Variants in POLE2 observed in about 807,000 individuals in gnomAD.
The protein encoded by POLE2 is DNA polymerase epsilon 2, accessory subunit.
Under a neutral mutation model 79.4 loss-of-function variants are expected in POLE2, and 56 were observed. The ratio of observed to expected loss-of-function variants is 0.71; its 90% confidence interval spans 0.57 to 0.88. The LOEUF (loss-of-function observed/expected upper bound fraction) is 0.88. Ranked by LOEUF, POLE2 falls within the 40% of genes least tolerant of loss-of-function variation. The probability of loss-of-function intolerance (pLI) is 0.00; values close to 1 mark genes in which losing one functional copy is unlikely to be tolerated. For missense variants in POLE2, 598 were observed against 638.9 expected, an observed-to-expected ratio of 0.94 and a Z score of 0.69; for synonymous variants, 212 against 214.0, an observed-to-expected ratio of 0.99 and a Z score of 0.08.
At position 49,670,317 on chromosome 14, in the gene POLE2, C is replaced by CAAAAAAAAA. The variant is rs61383006; in HGVS notation, c.418-728_418-720dup. Among the ~76,000 whole-genome samples, 36 of 59,106 alleles carry CAAAAAAAAA rather than the reference C, an allele frequency of 6.1e-4. 3 individuals are homozygous for CAAAAAAAAA. Among genetic ancestry groups the CAAAAAAAAA allele is most frequent in the African/African-American group, 2.2e-3 (33 of 15,062 alleles). 38.8% of individuals were successfully genotyped at this position (59,106 alleles called of 152,430 possible). The stretch of plus-strand genomic sequence containing the variant: ...GGCAACAAGAGCGAAACTGTGTCTC[C>CAAAAAAAAA]AAAAAAAAAAAAAAAAAAAAAAAAA... On this transcript the variant is annotated intron_variant, in intron 5 of 18. Transcript: ENST00000216367.
At chr14:49,674,596 C>T (rs1359384858) in intron 3 of POLE2, among the ~76,000 whole-genome samples, 169 bp from the exon 4 acceptor site, 1 of 152,074 alleles carries the variant, frequency 6.6e-6, no homozygotes, top group Non-Finnish European at 1.5e-5. Flanking sequence ...GACAGAGTTT[C>T]GCTATTGTTC....
At chr14:49,669,754 T>C (rs1885739447) in intron 5 of POLE2, among the ~76,000 whole-genome samples, 156 bp from the exon 6 acceptor site, 1 of 152,094 alleles carries the variant, frequency 6.6e-6, no homozygotes. Flanking sequence ...CATACAAATA[T>C]CTAGTAATGT....
chr14:49,679,708 T>A lies in POLE2; in HGVS notation c.245+17A>T. 6.9e-7 allele frequency: 1 copy of A among 1,446,630 alleles called. No homozygotes were observed. 89.6% of individuals were successfully genotyped at this position (1,446,630 alleles called of 1,614,324 possible). On this transcript the variant is annotated intron_variant, in intron 3 of 18. Coordinates refer to ENST00000216367, the MANE Select transcript of POLE2 (RefSeq NM_002692.4). The stretch of plus-strand genomic sequence containing the variant: ...TAACACCTCCAAGGAGGAAAAAAGT[T>A]AACTGTACCCACATACATAGTTTCA...
intron 10 of POLE2, among the ~76,000 whole-genome samples, chr14:49,659,746 A>G (rs939287615): frequency 6.6e-6 from 1 of 151,852 alleles, no homozygotes; most frequent in Admixed American, 6.6e-5. Context: ...ACACCCAGCT[A>G]ATTTTGTTGT....
chr14:49,669,893 G>C (rs954515591), intron 5 of POLE2, among the ~76,000 whole-genome samples: 8 of 152,178 alleles, frequency 5.3e-5, no homozygotes, highest in Non-Finnish European at 1.2e-4. Context: ...TGGGGCTAGT[G>C]AAAGAGAAGT....
chr14:49,681,307 T>G, intron 2 of POLE2: 1 of 216,622 alleles, frequency 4.6e-6, no homozygotes, highest in South Asian at 8.5e-5. Flanking sequence ...GATACAGTTT[T>G]ACTGACAGGT....
intron 10 of POLE2, among the ~76,000 whole-genome samples, chr14:49,657,732 G>A (rs1311870780): frequency 1.3e-5 from 2 of 152,078 alleles, no homozygotes; most frequent in East Asian, 1.9e-4. Context: ...GAGCCACCAC[G>A]CCCAGCCAGT....
intron 1 of POLE2, among the ~76,000 whole-genome samples, chr14:49,687,934 G>T (rs982623275): frequency 6.6e-6 from 1 of 152,064 alleles, no homozygotes; most frequent in South Asian, 2.1e-4. Context: ...TCCTGACCTC[G>T]TGATCCGCCC....
At chr14:49,662,355 T>A (rs1052066508) in intron 10 of POLE2, among the ~76,000 whole-genome samples, 1 of 152,248 alleles carries the variant, frequency 6.6e-6, no homozygotes, top group Non-Finnish European at 1.5e-5. Context: ...TGGAGTACAG[T>A]GGTGCGATCT....
At chr14:49,649,854 T>C (rs535853433) in intron 17 of POLE2, among the ~76,000 whole-genome samples, 1 of 152,196 alleles carries the variant, frequency 6.6e-6, no homozygotes, top group South Asian at 2.1e-4. Context: ...ACCAATGAGG[T>C]TTCTATATTA....
chr14:49,680,281 G>A (rs1566569544), intron 2 of POLE2, among the ~76,000 whole-genome samples: 1 of 151,978 alleles, frequency 6.6e-6, no homozygotes, highest in African/African-American at 2.4e-5. Context: ...GCCCAGGGAG[G>A]TGGAGGCTGC....
intron 17 of POLE2, 97 bp from the exon 18 acceptor site, chr14:49,647,457 ATTT>A: frequency 2.4e-6 from 1 of 408,200 alleles, no homozygotes; most frequent in Non-Finnish European, 4.2e-6. Context: ...TTTTTATTTT[ATTT>A]ATTTATTTTT....
chr14:49,678,837 T>C (rs1436477123), intron 3 of POLE2, among the ~76,000 whole-genome samples: 1 of 141,932 alleles, frequency 7.0e-6, no homozygotes. Context: ...TTTGTATTTT[T>C]AGTAGAGATG....
At position 49,674,422 on chromosome 14, in the gene POLE2, T is replaced by G. The variant is rs34857719; in HGVS notation, c.251A>C (p.His84Pro). The G allele has an allele frequency of 1.2e-3, 2,002 of 1,604,434 alleles. 28 individuals carry two copies. The African/African-American group carries it at 0.023, about 18-fold the overall frequency. Residue 84 changes from histidine (H) to proline (P), a missense_variant, in exon 4 of 19, where the codon CAC becomes CCC. Physicochemically the swap from His to Pro is moderately conservative, Grantham distance 77. Coordinates refer to ENST00000216367, the MANE Select transcript of POLE2 (RefSeq NM_002692.4). ...AAATGCTCCTATGATATTGAAAACG[T>G]GCTCTCTGAAAAACATCCCACAAAA... ...CSQSVDETIEHVFNIIGAFDI... is the reference protein window; with the variant it reads ...CSQSVDETIEPVFNIIGAFDI...
chr14:49,654,905 A>T lies in POLE2; in HGVS notation c.1019-67T>A, dbSNP rs528455932. 2.9e-4 allele frequency: 416 copies of T among 1,432,318 alleles called. 7 individuals carry two copies. In the South Asian group the frequency reaches 5.8e-3, roughly 20 times the overall value. 88.7% of individuals were successfully genotyped at this position (1,432,318 alleles called of 1,614,324 possible). ...GCCATAAAATTATATTTGATTAGAT[A>T]CAATCCTGTATATTCTTAATTAAAA... is the stretch of plus-strand genomic sequence containing the variant. On this transcript the variant is annotated intron_variant, in intron 12 of 18. Coordinates refer to ENST00000216367, the MANE Select transcript of POLE2 (RefSeq NM_002692.4).
At chr14:49,662,587 C>T (rs1885171373) in intron 10 of POLE2, among the ~76,000 whole-genome samples, 1 of 152,222 alleles carries the variant, frequency 6.6e-6, no homozygotes, top group Non-Finnish European at 1.5e-5. Flanking sequence ...ATGCCCTGCC[C>T]AAAGTGGGCA....
At position 49,650,396 on chromosome 14, in the gene POLE2, G is replaced by A. The variant is rs34574266; in HGVS notation, c.1366C>T (p.Leu456Phe). 1 of 1,583,404 alleles carries A rather than the reference G, an allele frequency of 6.3e-7. No homozygotes were observed. ...GCCCAATACACTGGGCAGACATAAA[G>A]AGGTAGGGGAGTCAGATGTCCTTGG... The part of the protein sequence containing the change: ...LSQGHLTPLP[L>F]YVCPVYWAYD... The change falls in exon 17 of 19, where the codon CTT becomes TTT. Residue 456 changes from leucine (L) to phenylalanine (F), a missense_variant. Physicochemically the swap from Leu to Phe is conservative, Grantham distance 22. Coordinates refer to ENST00000216367, the MANE Select transcript of POLE2 (RefSeq NM_002692.4).
At chr14:49,644,159 G>A (rs1177845520) in intron 18 of POLE2, among the ~76,000 whole-genome samples, 1 of 150,064 alleles carries the variant, frequency 6.7e-6, no homozygotes, top group African/African-American at 2.4e-5. Context: ...TAGGATTAGA[G>A]GCATGAGCCA....
At chr14:49,667,881 A>C (rs1189434699) in intron 6 of POLE2, among the ~76,000 whole-genome samples, 7 of 152,142 alleles carry the variant, frequency 4.6e-5, no homozygotes, top group Non-Finnish European at 8.8e-5. Flanking sequence ...TATAGAAAAA[A>C]ATTTAAAATA....
Sources: gnomAD v4.1 joint callset for allele counts (sites outside exome capture counted in the v4.1 genomes callset) on GRCh38, gnomAD v4.1.1 for gene constraint, MANE v1.5 for transcripts, NCBI Gene and HGNC (gene_info 2026-07-23, HGNC 2026-07-21) for gene names.